The following SDK1 variants were observed in gnomAD, a reference collection of about 807,000 sequenced individuals.
SDK1 encodes the protein protein sidekick-1.
In SDK1, 157 loss-of-function variants were observed where a neutral mutation model predicts 245.5. The observed-to-expected ratio is 0.64, with a 90% confidence interval of 0.56 to 0.73. SDK1 has a LOEUF of 0.73. SDK1 is among the 30% of genes least tolerant of loss of function. The probability of loss-of-function intolerance (pLI) is 0.00; values close to 1 mark genes in which losing one functional copy is unlikely to be tolerated. For missense variants in SDK1, 3,583 were observed against 3,002.3 expected, an observed-to-expected ratio of 1.19 and a Z score of -4.52; for synonymous variants, 1,647 against 1,278.5, an observed-to-expected ratio of 1.29 and a Z score of -6.15.
chr7:3,806,977 A>T (rs1779265784), intron 4 of SDK1, among the ~76,000 whole-genome samples: 1 of 152,102 alleles, frequency 6.6e-6, no homozygotes, highest in Non-Finnish European at 1.5e-5. Flanking sequence ...ACTTTCTCAA[A>T]ACGGCCCTTT....
chr7:3,351,916 TC>T (rs1421734697), intron 1 of SDK1, among the ~76,000 whole-genome samples: 3 of 152,100 alleles, frequency 2.0e-5, no homozygotes, highest in African/African-American at 7.2e-5. Flanking sequence ...ATGTTACAGT[TC>T]CTGTATAATC....
intron 8 of SDK1, among the ~76,000 whole-genome samples, chr7:3,960,613 A>G (rs1212653957): frequency 6.6e-6 from 1 of 151,940 alleles, no homozygotes; most frequent in African/African-American, 2.4e-5. Flanking sequence ...CTTTGTAACC[A>G]CTGCTCCTGG....
intron 1 of SDK1, among the ~76,000 whole-genome samples, chr7:3,553,721 G>T (rs1779490026): frequency 6.6e-6 from 1 of 152,170 alleles, no homozygotes; most frequent in Non-Finnish European, 1.5e-5. Context: ...TGCAACAAAT[G>T]GTCCAGCTGA....
At chr7:4,106,088 A>G (rs1403364529) in intron 22 of SDK1, among the ~76,000 whole-genome samples, 1 of 152,048 alleles carries the variant, frequency 6.6e-6, no homozygotes. Flanking sequence ...CCTTTTCCCA[A>G]TCCATTGATC....
intron 1 of SDK1, among the ~76,000 whole-genome samples, chr7:3,500,335 C>A (rs915862609): frequency 1.3e-5 from 2 of 152,044 alleles, no homozygotes; most frequent in Non-Finnish European, 2.9e-5. Flanking sequence ...TATCTTAAAA[C>A]GTCATGAGAA....
At chr7:3,779,498 C>T (rs1461609306) in intron 4 of SDK1, among the ~76,000 whole-genome samples, 3 of 151,642 alleles carry the variant, frequency 2.0e-5, no homozygotes, top group Non-Finnish European at 4.4e-5. Flanking sequence ...CAAATCTGAC[C>T]TGTTTATATT....
At chr7:4,088,927 G>C (rs979579061) in intron 22 of SDK1, among the ~76,000 whole-genome samples, 1 of 152,044 alleles carries the variant, frequency 6.6e-6, no homozygotes, top group African/African-American at 2.4e-5. Context: ...CACTCAGGCG[G>C]AGGTGAGACC....
chr7:4,083,565 CCTTTTTG>C (rs1781208903), intron 22 of SDK1, among the ~76,000 whole-genome samples: 1 of 125,350 alleles, frequency 8.0e-6, no homozygotes, highest in Non-Finnish European at 1.7e-5. Context: ...TCCCTTCCTT[CCTTTTTG>C]CCTCCCTCCT....
chr7:3,983,218 A>T (rs1427538943), intron 13 of SDK1, among the ~76,000 whole-genome samples: 1 of 152,230 alleles, frequency 6.6e-6, no homozygotes, highest in African/African-American at 2.4e-5. Flanking sequence ...AGGGTTTGGG[A>T]GGATTGACTC....
At chr7:3,485,271 C>G (rs1013659798) in intron 1 of SDK1, among the ~76,000 whole-genome samples, 1 of 152,024 alleles carries the variant, frequency 6.6e-6, no homozygotes, top group African/African-American at 2.4e-5. Context: ...AGCATTTTTT[C>G]CCTAGACGTG....
At chr7:3,355,389 C>T (rs543861477) in intron 1 of SDK1, among the ~76,000 whole-genome samples, 14 of 152,174 alleles carry the variant, frequency 9.2e-5, no homozygotes, top group Non-Finnish European at 1.8e-4. Flanking sequence ...GATCGTAGCT[C>T]GCCATGGCCT....
At chr7:3,358,500 G>C (rs1246294841) in intron 1 of SDK1, among the ~76,000 whole-genome samples, 2 of 151,742 alleles carry the variant, frequency 1.3e-5, no homozygotes, top group African/African-American at 4.8e-5. Flanking sequence ...TCGCAGAGCA[G>C]GGCTAACCCA....
intron 1 of SDK1, among the ~76,000 whole-genome samples, chr7:3,421,769 A>T (rs767157221): frequency 1.3e-5 from 2 of 152,236 alleles, no homozygotes; most frequent in Admixed American, 1.3e-4. Flanking sequence ...TGATTTAGAG[A>T]TGACATTTAG....
intron 4 of SDK1, among the ~76,000 whole-genome samples, chr7:3,812,178 T>G (rs994675997): frequency 1.3e-5 from 2 of 152,238 alleles, no homozygotes; most frequent in Non-Finnish European, 2.9e-5. Flanking sequence ...AAATTACTCC[T>G]GTATTTGCTT....
chr7:3,975,963 G>A (rs969196505), intron 13 of SDK1, among the ~76,000 whole-genome samples: 43 of 128,008 alleles, frequency 3.4e-4, no homozygotes, highest in Middle Eastern at 4.2e-3. Context: ...CCACGCAGAG[G>A]GTCCTCCAGA....
At chr7:4,091,476 G>T (rs1054265906) in intron 22 of SDK1, among the ~76,000 whole-genome samples, 1 of 151,316 alleles carries the variant, frequency 6.6e-6, no homozygotes, top group Non-Finnish European at 1.5e-5. Flanking sequence ...CTGAGTAACT[G>T]GGATGATAGG....
intron 1 of SDK1, among the ~76,000 whole-genome samples, chr7:3,375,348 G>A (rs1425214141): frequency 6.6e-6 from 1 of 152,176 alleles, no homozygotes; most frequent in Non-Finnish European, 1.5e-5. Context: ...GTAAGCCCAA[G>A]TACATATGGG....
In SDK1 at chr7:3,751,244, G is replaced by A. The variant is rs115828702; in HGVS notation, c.714-70206G>A. The stretch of plus-strand genomic sequence containing the variant: ...TTTTTTATGAGTATTTCAGTCTTCT[G>A]AAGGTCTGATGATCCTTCTCAAGGT... On this transcript the variant is annotated intron_variant, in intron 4 of 44. Coordinates refer to ENST00000404826, the MANE Select transcript of SDK1 (RefSeq NM_152744.4). Among the ~76,000 whole-genome samples, 465 of 152,298 alleles carry A rather than the reference G, an allele frequency of 3.1e-3. 5 individuals are homozygous for A. The highest frequency in any genetic ancestry group is 0.011 in the African/African-American group (446 of 41,554).
intron 4 of SDK1, among the ~76,000 whole-genome samples, chr7:3,765,370 C>T (rs1780225557): frequency 6.6e-6 from 1 of 152,168 alleles, no homozygotes; most frequent in African/African-American, 2.4e-5. Context: ...TCCTTACCAC[C>T]TTGCCCCTAA....
Sources: allele counts gnomAD v4.1 joint callset (sites outside exome capture counted in the v4.1 genomes callset), GRCh38; gene constraint gnomAD v4.1.1; transcripts MANE v1.5; gene names NCBI Gene and HGNC (gene_info 2026-07-23, HGNC 2026-07-21).